Variants in CELF2 observed in about 807,000 individuals in gnomAD.
The protein encoded by CELF2 is CUG triplet repeat RNA-binding protein 2.
CELF2 carries 8 observed loss-of-function variants against 62.6 expected under a neutral mutation model. That is an observed-to-expected ratio of 0.13 (90% CI 0.07 to 0.23). CELF2 has a LOEUF of 0.23. Among genes scored for constraint, CELF2 ranks in the 10% least tolerant of loss-of-function variants. The pLI, the probability that CELF2 is intolerant of heterozygous loss-of-function variation, is 1.00. For synonymous variants in CELF2, 258 were observed against 250.0 expected (o/e 1.03, Z -0.30); for missense variants, 333 against 671.0 (o/e 0.50, Z 5.56).
rs2096044513 is a variant in CELF2, at chr10:11,332,405, A to T, written c.*3352A>T. 1 of 152,444 alleles carries T rather than the reference A, an allele frequency of 6.6e-6. No individual in the cohort carries two copies. The highest frequency in any genetic ancestry group is 2.4e-5 in the African/African-American group (1 of 41,432). The allele number at this position is 152,444 out of a possible 1,614,324, so 9.4% of individuals were successfully genotyped here. A position where few individuals can be genotyped will look rare whatever the true frequency, so the allele number is the denominator to read the frequency against. On this transcript the variant is annotated 3_prime_UTR_variant, in exon 13 of 13. Transcript: ENST00000633077. ...AATATACCAGGTGTCTGGAGTTAGA[A>T]GCCCATAGCCCTTTCCCAGCCTTTT... is the stretch of plus-strand genomic sequence containing the variant.
At chr10:10,492,119 C>A in the CELF2 span, among the ~76,000 whole-genome samples, 1 of 152,084 alleles carries the variant, frequency 6.6e-6, no homozygotes, top group Non-Finnish European at 1.5e-5. Flanking sequence ...ATTGGTGATG[C>A]CAGATCACCA....
chr10:10,526,995 T>C, the CELF2 span, among the ~76,000 whole-genome samples: 2 of 152,248 alleles, frequency 1.3e-5, no homozygotes, highest in African/African-American at 4.8e-5. Context: ...TCAGGCAAAA[T>C]GTTATGGTTT....
intron 1 of CELF2, among the ~76,000 whole-genome samples, chr10:10,905,606 T>C (rs912880568): frequency 6.1e-5 from 9 of 147,620 alleles, no homozygotes; most frequent in Non-Finnish European, 8.9e-5. Context: ...GGGCTGGGCG[T>C]GGTGGCTCAC....
At chr10:10,790,598 A>G in the CELF2 span, among the ~76,000 whole-genome samples, 1 of 152,164 alleles carries the variant, frequency 6.6e-6, no homozygotes, top group South Asian at 2.1e-4. Context: ...GCAAGTGGTC[A>G]TGATATTACT....
chr10:11,030,024 C>G (rs2059851357), intron 1 of CELF2, among the ~76,000 whole-genome samples: 1 of 152,152 alleles, frequency 6.6e-6, no homozygotes, highest in African/African-American at 2.4e-5. Flanking sequence ...TTCCAGATGC[C>G]TGCTCAAGTA....
rs528592337 is a variant in CELF2, at chr10:11,306,124, G to A, written c.977-8015G>A. ...GTATCCAAGTTATTGCAGCCACTGT[G>A]CGAGCAAGGTGAGGTGCACTTTGCA... On this transcript the variant is annotated intron_variant, in intron 9 of 12. Transcript: ENST00000633077. The surrounding 1 kb of genome is among the most constrained non-coding windows in gnomAD (Gnocchi z 4.4). Among the ~76,000 whole-genome samples, 11 of 152,272 alleles carry A rather than the reference G, an allele frequency of 7.2e-5. No homozygotes were observed. Among genetic ancestry groups the A allele is most frequent in the African/African-American group, 2.6e-4 (11 of 41,574 alleles).
chr10:10,703,052 G>A, the CELF2 span, among the ~76,000 whole-genome samples: 1 of 152,102 alleles, frequency 6.6e-6, no homozygotes, highest in African/African-American at 2.4e-5. Context: ...CAGCAATTCC[G>A]CTACCTCCTC....
intron 3 of CELF2, among the ~76,000 whole-genome samples, chr10:11,232,636 T>A (rs764417393): frequency 5.3e-5 from 8 of 152,172 alleles, no homozygotes; most frequent in Non-Finnish European, 1.2e-4. Context: ...GAGATGTGCC[T>A]TGATGATGTT....
Position 11,110,671 on chromosome 10 carries a change from G to A in CELF2, c.75-54815G>A, listed in dbSNP as rs954953779. Among the ~76,000 whole-genome samples, 4 of 152,152 alleles carry A rather than the reference G, an allele frequency of 2.6e-5. No homozygotes were observed. The highest frequency in any genetic ancestry group is 4.4e-5 in the Non-Finnish European group (3 of 68,024). Reference sequence around the variant, plus strand: ...ATGGCAGTGAGACAGCCAGTGTGACGTTGAGAGTGTTCTCATGGGTCGTTG... The same window carrying A: ...ATGGCAGTGAGACAGCCAGTGTGACATTGAGAGTGTTCTCATGGGTCGTTG... On this transcript the variant is annotated intron_variant, in intron 1 of 12. Coordinates refer to ENST00000633077, the MANE Select transcript of CELF2 (RefSeq NM_001326342.2). This position sits in a 1 kb window ranked among gnomAD's most constrained non-coding sequence, Gnocchi z 4.0.
chr10:10,504,545 A>G, the CELF2 span, among the ~76,000 whole-genome samples: 1 of 152,178 alleles, frequency 6.6e-6, no homozygotes, highest in South Asian at 2.1e-4. Flanking sequence ...ATTTATTTGG[A>G]TATATCCTGT....
At chr10:11,196,630 G>T (rs566576906) in intron 2 of CELF2, among the ~76,000 whole-genome samples, 3 of 149,750 alleles carry the variant, frequency 2.0e-5, no homozygotes, top group Admixed American at 2.0e-4. Flanking sequence ...CCTGGCAACA[G>T]AGCAAGACCC....
chr10:11,165,561 T>C lies in CELF2; in HGVS notation c.150T>C (p.Phe50=). The change falls in exon 2 of 13, where the codon TTT becomes TTC. Residue 50 remains phenylalanine (F), a synonymous_variant. Transcript: ENST00000633077. The surrounding 1 kb of genome is among the most constrained non-coding windows in gnomAD (Gnocchi z 7.4). ...DQPDPDAIKM[F]VGQIPRSWSE... ...CAGACCCAGATGCCATTAAGATGTT[T>C]GTCGGACAGATCCCCCGGTCATGGT... The C allele has an allele frequency of 6.2e-7, 1 of 1,614,234 alleles. No homozygotes were observed. Among genetic ancestry groups the C allele is most frequent in the Non-Finnish European group, 8.5e-7 (1 of 1,180,048 alleles).
At chr10:10,496,312 G>T in the CELF2 span, among the ~76,000 whole-genome samples, 1 of 152,076 alleles carries the variant, frequency 6.6e-6, no homozygotes. Flanking sequence ...TCTCACATTT[G>T]TCTACTCGTA....
intron 2 of CELF2, among the ~76,000 whole-genome samples, chr10:10,963,484 G>T (rs1355519772): frequency 6.6e-6 from 1 of 152,180 alleles, no homozygotes; most frequent in Non-Finnish European, 1.5e-5. Context: ...AGCTTTCCGT[G>T]AAATTTGTCA....
At chr10:10,535,482 G>A in the CELF2 span, among the ~76,000 whole-genome samples, 4 of 152,152 alleles carry the variant, frequency 2.6e-5, no homozygotes, top group East Asian at 7.7e-4. Flanking sequence ...CACTTTGGGA[G>A]GCCAAGGTGG....
chr10:10,552,420 A>AATTT, the CELF2 span, among the ~76,000 whole-genome samples: 1 of 152,184 alleles, frequency 6.6e-6, no homozygotes, highest in Admixed American at 6.5e-5. Flanking sequence ...AATAAATGGG[A>AATTT]ATTTGCCTGG....
intron 1 of CELF2, among the ~76,000 whole-genome samples, chr10:10,897,784 A>G (rs1308729611): frequency 6.6e-6 from 1 of 152,236 alleles, no homozygotes; most frequent in Non-Finnish European, 1.5e-5. Flanking sequence ...ACTGAAGGGA[A>G]CAGAGACAGA....
chr10:10,632,020 A>G, the CELF2 span, among the ~76,000 whole-genome samples: 4 of 152,224 alleles, frequency 2.6e-5, no homozygotes, highest in Non-Finnish European at 4.4e-5. Context: ...TGAAAGGCTT[A>G]GCCCAATGTC....
intron 1 of CELF2, among the ~76,000 whole-genome samples, chr10:10,812,019 A>G (rs2055947375): frequency 6.6e-6 from 1 of 152,172 alleles, no homozygotes; most frequent in African/African-American, 2.4e-5. Context: ...CACAGTAAAG[A>G]TAATAATCCA....
Sources: gnomAD v4.1 joint callset for allele counts (sites outside exome capture counted in the v4.1 genomes callset) on GRCh38, gnomAD v4.1.1 for gene constraint, Gnocchi (gnomAD v3.1) non-coding constraint, MANE v1.5 for transcripts, NCBI Gene and HGNC (gene_info 2026-07-23, HGNC 2026-07-21) for gene names.